Variants in RPS6KA2 observed in about 807,000 individuals in gnomAD.
RPS6KA2 encodes the protein ribosomal protein S6 kinase A2.
Under a neutral mutation model 91.8 loss-of-function variants are expected in RPS6KA2, and 42 were observed. The ratio of observed to expected loss-of-function variants is 0.46; its 90% CI spans 0.36 to 0.59. The LOEUF is 0.59. Among genes scored for constraint, RPS6KA2 ranks in the 20% least tolerant of loss-of-function variants. The probability of loss-of-function intolerance (pLI) is 0.00; values close to 1 mark genes in which losing one functional copy is unlikely to be tolerated. For synonymous variants in RPS6KA2, 414 were observed against 393.6 expected (o/e 1.05, Z -0.61); for missense variants, 798 against 978.5 (o/e 0.82, Z 2.46).
Position 166,423,652 on chromosome 6 carries a change from C to A in RPS6KA2, c.1582-235G>T, listed in dbSNP as rs779581700. On this transcript the variant is annotated intron_variant, in intron 16 of 20. Transcript: ENST00000265678. The surrounding 1 kb of genome is among the most constrained non-coding windows in gnomAD (Gnocchi z 4.8). ...GAGCTCCTGGTGTCACCTGCTTTTA[C>A]AGTGAATGAATATTTGAGTAAATAA... is the stretch of plus-strand genomic sequence containing the variant. Among the ~76,000 whole-genome samples, 1 of 152,196 alleles carries A rather than the reference C, an allele frequency of 6.6e-6. No homozygotes were observed. The highest frequency in any genetic ancestry group is 1.5e-5 in the Non-Finnish European group (1 of 68,042).
intron 1 of RPS6KA2, among the ~76,000 whole-genome samples, chr6:166,625,237 T>C (rs1786813165): frequency 6.6e-6 from 1 of 152,038 alleles, no homozygotes; most frequent in Non-Finnish European, 1.5e-5. Flanking sequence ...TTCAGCCCAT[T>C]TGACCTCCTA....
At chr6:166,807,249 T>C (rs1412118917) in intron 2 of RPS6KA2, among the ~76,000 whole-genome samples, 1 of 152,224 alleles carries the variant, frequency 6.6e-6, no homozygotes, top group African/African-American at 2.4e-5. Context: ...CTAAATTTAA[T>C]CATCCATCCT....
rs1219608266 is a variant in RPS6KA2 at position 166,508,856 on chromosome 6, C to A, written c.380-574G>T. ...ACTGTGAGCTATAACTGCAGACTTT[C>A]TGTTTCAGGCCACAGGCAGGCTACA... On this transcript the variant is annotated intron_variant, in intron 4 of 20. Transcript: ENST00000265678. This position sits in a 1 kb window ranked among gnomAD's most constrained non-coding sequence, Gnocchi z 4.3. Among the ~76,000 whole-genome samples the A allele has an allele frequency of 6.6e-6, 1 of 152,174 alleles. No homozygotes were observed. Among genetic ancestry groups the A allele is most frequent in the Non-Finnish European group, 1.5e-5 (1 of 68,046 alleles).
intron 2 of RPS6KA2, among the ~76,000 whole-genome samples, chr6:166,745,685 G>A (rs1457413681): frequency 1.3e-5 from 2 of 151,654 alleles, no homozygotes; most frequent in African/African-American, 4.9e-5. Flanking sequence ...GAGAGGGGGT[G>A]ACAACAGTGC....
chr6:166,519,141 G>C (rs930195754), intron 3 of RPS6KA2, among the ~76,000 whole-genome samples: 1 of 152,186 alleles, frequency 6.6e-6, no homozygotes, highest in Non-Finnish European at 1.5e-5. Flanking sequence ...GGAGTCCAAG[G>C]AGTTTTCATT....
intron 14 of RPS6KA2, among the ~76,000 whole-genome samples, chr6:166,442,930 G>A (rs1485593359): frequency 2.0e-5 from 3 of 152,096 alleles, no homozygotes; most frequent in African/African-American, 4.8e-5. Context: ...TAGAGGTACC[G>A]ACCCCTCAAG....
At chr6:166,706,675 A>G (rs377522789) in intron 2 of RPS6KA2, among the ~76,000 whole-genome samples, 4 of 152,236 alleles carry the variant, frequency 2.6e-5, no homozygotes, top group Admixed American at 6.5e-5. Context: ...GCAAGGGGAC[A>G]GCTAGTTAGG....
chr6:166,804,408 A>G (rs1779441174), intron 2 of RPS6KA2, among the ~76,000 whole-genome samples: 1 of 151,890 alleles, frequency 6.6e-6, no homozygotes, highest in South Asian at 2.1e-4. Flanking sequence ...CAGTGGATTC[A>G]CATTCTCTGG....
At chr6:166,832,549 T>C (rs1780215041) in intron 2 of RPS6KA2, among the ~76,000 whole-genome samples, 1 of 152,190 alleles carries the variant, frequency 6.6e-6, no homozygotes, top group East Asian at 1.9e-4. Flanking sequence ...GTTTTCTCTA[T>C]GGTAAGTCCG....
intron 2 of RPS6KA2, among the ~76,000 whole-genome samples, chr6:166,746,545 G>A (rs964207990): frequency 7.9e-5 from 12 of 152,286 alleles, no homozygotes; most frequent in South Asian, 4.1e-4. Flanking sequence ...AATTCAATTC[G>A]AATTCTGACA....
chr6:166,597,104 G>A (rs1055992504), intron 1 of RPS6KA2, among the ~76,000 whole-genome samples: 9 of 152,208 alleles, frequency 5.9e-5, no homozygotes, highest in Admixed American at 2.0e-4. Flanking sequence ...GTTCACCCAC[G>A]AAAACGAGAC....
At chr6:166,681,009 C>T (rs1788788786) in intron 2 of RPS6KA2, among the ~76,000 whole-genome samples, 1 of 152,200 alleles carries the variant, frequency 6.6e-6, no homozygotes, top group Non-Finnish European at 1.5e-5. Context: ...TTTTTAACAG[C>T]AGCCGCTTGT....
In RPS6KA2 at chr6:166,723,298, GA is replaced by G. The variant is rs1790232768; in HGVS notation, c.123+134901del. 2.0e-5 allele frequency among the ~76,000 whole-genome samples: 3 copies of G among 152,376 alleles called. No homozygotes were observed. The South Asian group carries it at 6.2e-4, about 32-fold the overall frequency. ...TAAGGACCAGCTGAGGTGCCGCAGTGAAGAAGGTGGCCTAGGCCCCCCAGAT... is the reference window on the plus strand; with the variant it reads ...TAAGGACCAGCTGAGGTGCCGCAGTGAGAAGGTGGCCTAGGCCCCCCAGAT... On this transcript the variant is annotated intron_variant, in intron 2 of 21. Coordinates refer to the RPS6KA2 transcript ENST00000503859.
chr6:166,765,400 C>T (rs1490328471), intron 2 of RPS6KA2, among the ~76,000 whole-genome samples: 1 of 152,202 alleles, frequency 6.6e-6, no homozygotes, highest in Non-Finnish European at 1.5e-5. Context: ...GGCCCCCGCA[C>T]CTGCTCCCAC....
At position 166,423,391 on chromosome 6, in the gene RPS6KA2, A is replaced by G. The variant is rs1464911355; in HGVS notation, c.1608T>C (p.Ser536=). ...CCGACTCATCCCTGTACAGGATGTT[A>G]CTCGGCTTCAGGTCTCGATGAACAA... The part of the protein sequence containing the change: ...QGVVHRDLKP[S]NILYRDESGS... The change falls in exon 17 of 21, where the codon AGT becomes AGC. Residue 536 remains serine (S), a synonymous_variant. Transcript: ENST00000265678. The surrounding 1 kb of genome is among the most constrained non-coding windows in gnomAD (Gnocchi z 4.8). 6.2e-7 allele frequency: 1 copy of G among 1,611,788 alleles called. No individual in the cohort carries two copies. Among genetic ancestry groups the G allele is most frequent in the African/African-American group, 1.3e-5 (1 of 74,854 alleles).
chr6:166,731,080 T>C (rs538194470), intron 2 of RPS6KA2, among the ~76,000 whole-genome samples: 1 of 152,062 alleles, frequency 6.6e-6, no homozygotes, highest in Non-Finnish European at 1.5e-5. Flanking sequence ...CCATCTCTAC[T>C]AAAAATACAA....
chr6:166,797,392 A>G (rs1447999254), intron 2 of RPS6KA2, among the ~76,000 whole-genome samples: 1 of 152,072 alleles, frequency 6.6e-6, no homozygotes, highest in Admixed American at 6.5e-5. Flanking sequence ...CTCCCTGCAG[A>G]GTCAAAAATC....
At chr6:166,703,038 A>G (rs1284283118) in intron 2 of RPS6KA2, among the ~76,000 whole-genome samples, 1 of 152,212 alleles carries the variant, frequency 6.6e-6, no homozygotes, top group African/African-American at 2.4e-5. Flanking sequence ...GATATGTTTT[A>G]AAAGAGAAAG....
intron 10 of RPS6KA2, among the ~76,000 whole-genome samples, chr6:166,488,061 TATGTC>T (rs1185926934): frequency 1.4e-5 from 2 of 140,706 alleles, no homozygotes; most frequent in African/African-American, 4.9e-5. Context: ...TCCCCTCTGG[TATGTC>T]TTCTATCTAT....
Sources: allele counts gnomAD v4.1 joint callset (sites outside exome capture counted in the v4.1 genomes callset), GRCh38; gene constraint gnomAD v4.1.1; non-coding constraint Gnocchi (gnomAD v3.1); transcripts MANE v1.5; gene names NCBI Gene and HGNC (gene_info 2026-07-23, HGNC 2026-07-21).